KIF1A: variants seen among roughly 807,000 people sequenced by gnomAD.
The protein encoded by KIF1A is kinesin-like protein KIF1A.
Under a neutral mutation model 227.3 loss-of-function variants are expected in KIF1A, and 46 were observed. The ratio of observed to expected loss-of-function variants is 0.20; its 90% CI spans 0.16 to 0.26. The LOEUF (loss-of-function observed/expected upper bound fraction) is 0.26, where lower values mean the gene tolerates loss of function less well. Ranked by LOEUF, KIF1A falls within the 10% of genes least tolerant of loss-of-function variation. The probability of loss-of-function intolerance (pLI) is 1.00; values close to 1 mark genes in which losing one functional copy is unlikely to be tolerated. For missense variants in KIF1A, 1,683 were observed against 2,485.9 expected (o/e 0.68, Z 6.87); for synonymous variants, 1,022 against 1,012.8 (o/e 1.01, Z -0.17).
chr2:240,781,534 C>A (rs190354814), intron 10 of KIF1A, among the ~76,000 whole-genome samples: 2 of 152,078 alleles, frequency 1.3e-5, no homozygotes, highest in African/African-American at 4.8e-5. Flanking sequence ...CTCACAGTCC[C>A]GCACAATCTG....
chr2:240,800,319 A>G (rs533576927), intron 1 of KIF1A, among the ~76,000 whole-genome samples: 3 of 152,304 alleles, frequency 2.0e-5, no homozygotes, highest in Admixed American at 6.5e-5. Flanking sequence ...TATGCACACC[A>G]CGAAGCATGG....
chr2:240,737,487 C>A, intron 37 of KIF1A: 1 of 162,510 alleles, frequency 6.2e-6, no homozygotes, highest in Non-Finnish European at 1.3e-5. Flanking sequence ...GAAGGCTAAG[C>A]AAGACACAGA....
At chr2:240,742,139 G>T (rs908235723) in intron 34 of KIF1A, among the ~76,000 whole-genome samples, 1 of 152,208 alleles carries the variant, frequency 6.6e-6, no homozygotes. Flanking sequence ...TCCTCAGCCC[G>T]CAAACCTTCA....
chr2:240,800,198 A>G (rs529588076), intron 1 of KIF1A, among the ~76,000 whole-genome samples: 4 of 151,984 alleles, frequency 2.6e-5, no homozygotes, highest in African/African-American at 7.2e-5. Flanking sequence ...GTATGGGACA[A>G]CTGGCTCTCC....
chr2:240,797,344 C>A (rs2056512735), intron 2 of KIF1A, among the ~76,000 whole-genome samples: 1 of 152,186 alleles, frequency 6.6e-6, no homozygotes, highest in Admixed American at 6.5e-5. Context: ...GGCTGGCAAC[C>A]ACCAGACCCC....
intron 1 of KIF1A, among the ~76,000 whole-genome samples, chr2:240,807,444 C>T (rs1050182721): frequency 6.6e-6 from 1 of 152,102 alleles, no homozygotes; most frequent in African/African-American, 2.4e-5. Context: ...CACCCAGCCC[C>T]TTCCATATAT....
intron 28 of KIF1A, chr2:240,748,718 T>C: frequency 3.5e-6 from 1 of 286,742 alleles, no homozygotes; most frequent in Non-Finnish European, 7.5e-6. Flanking sequence ...ACTCCCCAGC[T>C]GGGCCCCCTG....
intron 1 of KIF1A, among the ~76,000 whole-genome samples, chr2:240,818,204 C>G (rs2058465331): frequency 6.6e-6 from 1 of 152,150 alleles, no homozygotes. Flanking sequence ...GCGGACCTGC[C>G]CGGGGAGGAC....
chr2:240,812,963 A>ACCTCGGGGATCAG (rs1575678011), intron 1 of KIF1A, among the ~76,000 whole-genome samples: 22 of 60,026 alleles, frequency 3.7e-4, no homozygotes, highest in Non-Finnish European at 4.5e-4. Flanking sequence ...TCAAGGATCC[A>ACCTCGGGGATCAG]CCTTCACCTC....
At chr2:240,791,454 A>C (rs1350436331) in intron 2 of KIF1A, among the ~76,000 whole-genome samples, 12 of 31,748 alleles carry the variant, frequency 3.8e-4, no homozygotes, top group Admixed American at 1.0e-3. Flanking sequence ...CCCTCGCCTC[A>C]CCCGGCTGCA....
chr2:240,749,430 G>T (rs1012749512), intron 28 of KIF1A, among the ~76,000 whole-genome samples: 1 of 152,172 alleles, frequency 6.6e-6, no homozygotes, highest in African/African-American at 2.4e-5. Context: ...ATGGATGCAC[G>T]TCCTCTCTGC....
At chr2:240,728,114 C>T (rs991149426) in intron 38 of KIF1A, among the ~76,000 whole-genome samples, 6 of 152,190 alleles carry the variant, frequency 3.9e-5, no homozygotes, top group Admixed American at 3.3e-4. Context: ...CCCGAGACCG[C>T]GGTGGAGCAC....
chr2:240,740,499 C>A lies in KIF1A; in HGVS notation c.3750-135G>T. ...TCTGGTGAAGATCAGGTGGTCTGAT[C>A]CATGGAGACCACGGTCAGCTGAGCA... is the stretch of plus-strand genomic sequence containing the variant. On this transcript the variant is annotated intron_variant, in intron 35 of 48. Coordinates refer to ENST00000498729, the MANE Select transcript of KIF1A (RefSeq NM_001244008.2). The surrounding 1 kb of genome is among the most constrained non-coding windows in gnomAD (Gnocchi z 6.1). 1 of 715,078 alleles carries A rather than the reference C, an allele frequency of 1.4e-6. No individual in the cohort carries two copies. Among genetic ancestry groups the A allele is most frequent in the East Asian group, 2.7e-5 (1 of 37,540 alleles). 44.3% of individuals were successfully genotyped at this position (715,078 alleles called of 1,614,324 possible).
intron 47 of KIF1A, 68 bp downstream of exon 47, chr2:240,718,938 G>A (rs989392618): frequency 7.7e-7 from 1 of 1,302,784 alleles, no homozygotes; most frequent in Non-Finnish European, 1.1e-6. Flanking sequence ...GGGCTGCAGA[G>A]GATGGTGGCT....
chr2:240,769,272 G>C, intron 16 of KIF1A, 64 bp from the exon 17 acceptor site: 3 of 1,454,298 alleles, frequency 2.1e-6, no homozygotes, highest in Non-Finnish European at 2.8e-6. Context: ...CCTCAGCCCT[G>C]GCTGACCAAT....
At chr2:240,815,558 G>A (rs1173306127) in intron 1 of KIF1A, among the ~76,000 whole-genome samples, 1 of 152,208 alleles carries the variant, frequency 6.6e-6, no homozygotes, top group Non-Finnish European at 1.5e-5. Flanking sequence ...ACCCCTGAGA[G>A]GGTGGCCAAA....
At chr2:240,721,217 G>A (rs1459583774) in intron 44 of KIF1A, among the ~76,000 whole-genome samples, 179 bp from the exon 45 acceptor site, 1 of 152,096 alleles carries the variant, frequency 6.6e-6, no homozygotes, top group Non-Finnish European at 1.5e-5. Context: ...TCCAGCCCCT[G>A]TGGCCCCTGG....
chr2:240,757,487 G>A lies in KIF1A; in HGVS notation c.2690C>T (p.Ala897Val). 1 of 1,550,516 alleles carries A rather than the reference G, an allele frequency of 6.4e-7. No individual in the cohort carries two copies. Among genetic ancestry groups the A allele is most frequent in the Non-Finnish European group, 8.7e-7 (1 of 1,147,006 alleles). The change falls in exon 27 of 49, where the codon GCC (alanine) becomes GTC (valine). Residue 897 changes from alanine (A) to valine (V), a missense_variant. Coordinates refer to ENST00000498729, the MANE Select transcript of KIF1A (RefSeq NM_001244008.2). This position sits in a 1 kb window ranked among gnomAD's most constrained non-coding sequence, Gnocchi z 6.2. The part of the protein sequence containing the change: ...SPTFSSPDSD[A>V]TEPAEEQSVG... ...GCTCTGCTCCTCGGCAGGCTCGGTGGCGTCGGAGTCGGGGCTCGAGAAGGT... is the reference window on the plus strand; with the variant it reads ...GCTCTGCTCCTCGGCAGGCTCGGTGACGTCGGAGTCGGGGCTCGAGAAGGT...
At chr2:240,742,354 C>A (rs2048080989) in intron 34 of KIF1A, among the ~76,000 whole-genome samples, 1 of 152,192 alleles carries the variant, frequency 6.6e-6, no homozygotes, top group Non-Finnish European at 1.5e-5. Context: ...CTCGGCCACA[C>A]CTGCTGGGCC....
Sources: allele counts gnomAD v4.1 joint callset (sites outside exome capture counted in the v4.1 genomes callset), GRCh38; gene constraint gnomAD v4.1.1; non-coding constraint Gnocchi (gnomAD v3.1); transcripts MANE v1.5; gene names NCBI Gene and HGNC (gene_info 2026-07-23, HGNC 2026-07-21).